Variants in AKAP19 observed in about 807,000 individuals in gnomAD.
The protein encoded by AKAP19 is small A-kinase anchoring protein.
At chr2:190,005,402 C>T in the AKAP19 span, among the ~76,000 whole-genome samples, 47 of 152,224 alleles carry the variant, frequency 3.1e-4, no homozygotes, top group African/African-American at 1.1e-3. Flanking sequence ...TTTAGCTAGA[C>T]ACAGAGTGCT....
chr2:190,041,876 A>G, the AKAP19 span, among the ~76,000 whole-genome samples: 1 of 152,184 alleles, frequency 6.6e-6, no homozygotes. Flanking sequence ...CTACTTGATC[A>G]TGGTGGATTA....
the AKAP19 span, among the ~76,000 whole-genome samples, chr2:190,193,524 C>T: frequency 6.6e-6 from 1 of 152,038 alleles, no homozygotes; most frequent in Non-Finnish European, 1.5e-5. Context: ...TCTAGTGTAG[C>T]CATTAGGGCC....
At chr2:190,063,378 A>G in the AKAP19 span, among the ~76,000 whole-genome samples, 1 of 152,078 alleles carries the variant, frequency 6.6e-6, no homozygotes, top group East Asian at 1.9e-4. Flanking sequence ...TAATATGAAA[A>G]TTATACTGAA....
chr2:189,894,021 G>T, the AKAP19 span, among the ~76,000 whole-genome samples: 1 of 152,082 alleles, frequency 6.6e-6, no homozygotes, highest in Non-Finnish European at 1.5e-5. Context: ...ATTAGGAAAG[G>T]CCACATTATA....
At chr2:189,999,703 G>C in the AKAP19 span, among the ~76,000 whole-genome samples, 12 of 152,046 alleles carry the variant, frequency 7.9e-5, no homozygotes, top group East Asian at 2.3e-3. Context: ...TAAGGCATAC[G>C]TATGAGAAGG....
At chr2:189,899,075 T>C in the AKAP19 span, among the ~76,000 whole-genome samples, 6 of 152,300 alleles carry the variant, frequency 3.9e-5, no homozygotes, top group Middle Eastern at 6.8e-3. Flanking sequence ...CTTTAGAATA[T>C]ACATATCCAA....
chr2:190,055,140 A>T, the AKAP19 span, among the ~76,000 whole-genome samples: 1 of 152,132 alleles, frequency 6.6e-6, no homozygotes, highest in Non-Finnish European at 1.5e-5. Context: ...ATGGAATACT[A>T]TGCAGCCATA....
the AKAP19 span, among the ~76,000 whole-genome samples, chr2:190,016,173 G>A: frequency 1.3e-5 from 2 of 152,080 alleles, no homozygotes; most frequent in Admixed American, 1.3e-4. Flanking sequence ...CCCACTCCTA[G>A]TACCAATTAA....
At chr2:189,895,699 G>A in the AKAP19 span, among the ~76,000 whole-genome samples, 1 of 152,244 alleles carries the variant, frequency 6.6e-6, no homozygotes, top group East Asian at 1.9e-4. Context: ...TGAATATCAG[G>A]CTAAAGGTTT....
the AKAP19 span, among the ~76,000 whole-genome samples, chr2:190,088,218 A>G: frequency 6.6e-6 from 1 of 152,170 alleles, no homozygotes; most frequent in Non-Finnish European, 1.5e-5. Flanking sequence ...GAGTGAATGC[A>G]CAAACCCCAT....
At chr2:189,898,160 C>A in the AKAP19 span, among the ~76,000 whole-genome samples, 5 of 151,576 alleles carry the variant, frequency 3.3e-5, no homozygotes, top group Non-Finnish European at 5.9e-5. Context: ...TGTGATCATG[C>A]CAGCCTAGGC....
the AKAP19 span, among the ~76,000 whole-genome samples, chr2:189,960,292 A>T: frequency 1.3e-5 from 2 of 152,190 alleles, no homozygotes; most frequent in Non-Finnish European, 2.9e-5. Context: ...TGGGAAATAC[A>T]AATCCATTTT....
At chr2:190,005,492 C>T in the AKAP19 span, among the ~76,000 whole-genome samples, 15 of 152,238 alleles carry the variant, frequency 9.9e-5, no homozygotes, top group African/African-American at 3.6e-4. Flanking sequence ...CAGCTGGCTT[C>T]ACCTCTCATT....
the AKAP19 span, among the ~76,000 whole-genome samples, chr2:190,038,932 T>TTCTTCTTCTTCTTCTTCC: frequency 3.5e-4 from 49 of 141,198 alleles, 1 homozygote; most frequent in African/African-American, 1.4e-3. Context: ...CTTCTTCTTC[T>TTCTTCTTCTTCTTCTTCC]TCTTCTTCTT....
the AKAP19 span, among the ~76,000 whole-genome samples, chr2:189,963,852 C>T: frequency 6.6e-6 from 1 of 152,074 alleles, no homozygotes; most frequent in Non-Finnish European, 1.5e-5. Context: ...CAGCCTCGAC[C>T]TCCCAGGATC....
chr2:189,997,558 G>A, the AKAP19 span, among the ~76,000 whole-genome samples: 3 of 152,158 alleles, frequency 2.0e-5, no homozygotes, highest in Non-Finnish European at 4.4e-5. Context: ...AGGAAAGCCA[G>A]TAGTGATAGG....
the AKAP19 span, among the ~76,000 whole-genome samples, chr2:189,993,258 C>T: frequency 2.0e-5 from 3 of 152,274 alleles, no homozygotes; most frequent in East Asian, 1.9e-4. Context: ...GCTTTTTCTG[C>T]ATCTATTGAG....
chr2:190,106,614 G>A, the AKAP19 span, among the ~76,000 whole-genome samples: 1 of 151,940 alleles, frequency 6.6e-6, no homozygotes, highest in Admixed American at 6.6e-5. Flanking sequence ...GCTATCCATG[G>A]GGCCTTTATC....
the AKAP19 span, among the ~76,000 whole-genome samples, chr2:190,009,629 G>T: frequency 1.3e-5 from 2 of 152,184 alleles, no homozygotes; most frequent in African/African-American, 2.4e-5. Flanking sequence ...TCCAAAGGGA[G>T]CTGTTAAATA....
Sources: allele counts gnomAD v4.1 joint callset (sites outside exome capture counted in the v4.1 genomes callset), GRCh38; gene constraint gnomAD v4.1.1; transcripts MANE v1.5; gene names NCBI Gene and HGNC (gene_info 2026-07-23, HGNC 2026-07-21).